The following ZSWIM6 variants were observed in gnomAD, a reference collection of about 807,000 sequenced individuals.
The protein encoded by ZSWIM6 is zinc finger SWIM-type containing 6, also known as zinc finger SWIM domain-containing protein 6.
ZSWIM6 carries 9 observed loss-of-function variants against 113.2 expected under a neutral mutation model. That is an observed-to-expected ratio of 0.08 (90% confidence interval 0.05 to 0.14). The LOEUF is 0.14. ZSWIM6 is among the 10% of genes least tolerant of loss of function. The pLI is 1.00. For missense variants in ZSWIM6, 1,162 were observed against 1,552.2 expected, an observed-to-expected ratio of 0.75 and a Z score of 4.22; for synonymous variants, 611 against 606.5, an observed-to-expected ratio of 1.01 and a Z score of -0.11.
At chr5:61,350,795 C>A (rs1175510119) in intron 1 of ZSWIM6, among the ~76,000 whole-genome samples, 4 of 152,158 alleles carry the variant, frequency 2.6e-5, no homozygotes, top group Non-Finnish European at 5.9e-5. Flanking sequence ...TGAACTTCCT[C>A]AAGTCCTTAT....
intron 1 of ZSWIM6, among the ~76,000 whole-genome samples, chr5:61,377,940 T>A (rs1745405130): frequency 6.6e-6 from 1 of 152,126 alleles, no homozygotes; most frequent in South Asian, 2.1e-4. Context: ...ATAAGAGAAA[T>A]GAAAATTAAA....
chr5:61,448,883 A>G (rs1010002670), intron 1 of ZSWIM6, among the ~76,000 whole-genome samples: 1 of 152,214 alleles, frequency 6.6e-6, no homozygotes, highest in Non-Finnish European at 1.5e-5. Context: ...TGCAGTAGGA[A>G]TAGAGAGTAA....
chr5:61,490,637 G>A (rs1349756274), intron 2 of ZSWIM6, 149 bp from the exon 3 acceptor site: 1 of 724,232 alleles, frequency 1.4e-6, no homozygotes. Context: ...GGAAATAAGA[G>A]TGATCCTTGT....
At chr5:61,465,702 T>C (rs1747419225) in intron 1 of ZSWIM6, among the ~76,000 whole-genome samples, 1 of 152,148 alleles carries the variant, frequency 6.6e-6, no homozygotes, top group African/African-American at 2.4e-5. Context: ...TAAATTTTTA[T>C]GTTGTTTGTA....
intron 9 of ZSWIM6, among the ~76,000 whole-genome samples, chr5:61,532,720 G>A (rs1050177553): frequency 1.3e-5 from 2 of 152,108 alleles, no homozygotes; most frequent in African/African-American, 4.8e-5. Context: ...TTAATAGCAT[G>A]CTTAATTTTG....
chr5:61,503,661 TC>T (rs961006515), intron 4 of ZSWIM6, among the ~76,000 whole-genome samples: 1 of 151,342 alleles, frequency 6.6e-6, no homozygotes, highest in African/African-American at 2.4e-5. Context: ...AAAGTCTGTT[TC>T]CCCCCGCCAC....
At position 61,429,118 on chromosome 5, in the gene ZSWIM6, A is replaced by G. The variant is rs545962962; in HGVS notation, c.677-43563A>G. Among the ~76,000 whole-genome samples, 8 of 152,276 alleles carry G rather than the reference A, an allele frequency of 5.3e-5. No individual in the cohort carries two copies. The East Asian group carries it at 7.7e-4, about 15-fold the overall frequency. On this transcript the variant is annotated intron_variant, in intron 1 of 13. Transcript: ENST00000252744. The stretch of plus-strand genomic sequence containing the variant: ...AACGAAACCTCTGTGTGTTGGGGGG[A>G]CAGTCAAGTGTTGCTACTCATTTGA...
chr5:61,377,364 G>GT lies in ZSWIM6; in HGVS notation c.676+44426dup, dbSNP rs576804429. Among the ~76,000 whole-genome samples the GT allele has an allele frequency of 5.0e-3, 742 of 149,200 alleles. 6 individuals carry two copies. Among genetic ancestry groups the GT allele is most frequent in the Non-Finnish European group, 8.1e-3 (541 of 67,104 alleles). On this transcript the variant is annotated intron_variant, in intron 1 of 13. Coordinates refer to ENST00000252744, the MANE Select transcript of ZSWIM6 (RefSeq NM_020928.2). ...AAAACTTGTATAGTTTAGAATGAAA[G>GT]TTTTTTTTTTCTTGACATAAAACCC...
At chr5:61,491,730 A>G (rs893549464) in intron 3 of ZSWIM6, among the ~76,000 whole-genome samples, 1 of 152,042 alleles carries the variant, frequency 6.6e-6, no homozygotes, top group African/African-American at 2.4e-5. Flanking sequence ...TGATTAATGT[A>G]TTAACATTGG....
intron 1 of ZSWIM6, among the ~76,000 whole-genome samples, chr5:61,348,461 AT>A (rs992959474): frequency 9.2e-5 from 14 of 152,030 alleles, no homozygotes; most frequent in Non-Finnish European, 1.3e-4. Context: ...TCACATCTAG[AT>A]TTTCCCCCTT....
chr5:61,508,738 T>C (rs1276641795), intron 4 of ZSWIM6, among the ~76,000 whole-genome samples: 1 of 152,114 alleles, frequency 6.6e-6, no homozygotes, highest in African/African-American at 2.4e-5. Context: ...GCCCAAACCT[T>C]ACGTGACTGG....
Position 61,531,484 on chromosome 5 carries a change from G to A in ZSWIM6, c.2004G>A (p.Lys668=). The change falls in exon 9 of 14, where the codon AAG becomes AAA. Residue 668 remains lysine, a synonymous_variant. Transcript: ENST00000252744. ...TTGCAGAGAATATGGGACAGTGCAA[G>A]TCTCTGGAATACCAGCATCTACCTG... ...SDFTENMGQC[K]SLEYQHLPAH... 1 of 1,551,582 alleles carries A rather than the reference G, an allele frequency of 6.4e-7. No individual in the cohort carries two copies. The highest frequency in any genetic ancestry group is 8.7e-7 in the Non-Finnish European group (1 of 1,146,854).
chr5:61,425,348 A>G (rs1193378799), intron 1 of ZSWIM6, among the ~76,000 whole-genome samples: 1 of 152,234 alleles, frequency 6.6e-6, no homozygotes, highest in Non-Finnish European at 1.5e-5. Context: ...ATAAATTGGC[A>G]TTTGTAAAGC....
intron 1 of ZSWIM6, among the ~76,000 whole-genome samples, chr5:61,443,611 C>CA (rs1194422127): frequency 6.6e-6 from 1 of 152,090 alleles, no homozygotes; most frequent in African/African-American, 2.4e-5. Context: ...CTTGATATCA[C>CA]AAAATAGGAT....
rs184557177 is a variant in ZSWIM6 at position 61,505,934 on chromosome 5, G to A, written c.1333+11524G>A. 2.5e-4 allele frequency among the ~76,000 whole-genome samples: 38 copies of A among 151,706 alleles called. 1 individual carries two copies. The highest frequency in any genetic ancestry group is 9.2e-4 in the African/African-American group (38 of 41,358). On this transcript the variant is annotated intron_variant, in intron 4 of 13. Coordinates refer to ENST00000252744, the MANE Select transcript of ZSWIM6 (RefSeq NM_020928.2). Reference sequence around the variant, plus strand: ...GCTAATTTTTTGTATTTTTAGTAGAGATGGGGTTTCACCATGTTAGCTAGG... The same window carrying A: ...GCTAATTTTTTGTATTTTTAGTAGAAATGGGGTTTCACCATGTTAGCTAGG...
At chr5:61,541,994 C>T in intron 13 of ZSWIM6, 29 bp downstream of exon 13, 4 of 1,532,074 alleles carry the variant, frequency 2.6e-6, no homozygotes, top group South Asian at 1.2e-5. Flanking sequence ...AGAAGCTTTC[C>T]TAGGTGCCTC....
At chr5:61,365,911 C>T (rs576819008) in intron 1 of ZSWIM6, among the ~76,000 whole-genome samples, 3 of 152,194 alleles carry the variant, frequency 2.0e-5, no homozygotes, top group East Asian at 1.9e-4. Flanking sequence ...CCAAATGTAT[C>T]GTCTATCAGG....
chr5:61,395,854 T>A (rs771207267), intron 1 of ZSWIM6, among the ~76,000 whole-genome samples: 1 of 152,200 alleles, frequency 6.6e-6, no homozygotes, highest in South Asian at 2.1e-4. Flanking sequence ...ATTGCTTTAC[T>A]CAGTGCAGGT....
chr5:61,334,319 C>G (rs981663415), intron 1 of ZSWIM6, among the ~76,000 whole-genome samples: 5 of 152,176 alleles, frequency 3.3e-5, no homozygotes, highest in African/African-American at 1.2e-4. Context: ...AGTGAAACTT[C>G]CCATTTTTTT....
Sources: gnomAD v4.1 joint callset for allele counts (sites outside exome capture counted in the v4.1 genomes callset) on GRCh38, gnomAD v4.1.1 for gene constraint, MANE v1.5 for transcripts, NCBI Gene and HGNC (gene_info 2026-07-23, HGNC 2026-07-21) for gene names.